Variants in ZNF385D observed in about 807,000 individuals in gnomAD.
ZNF385D encodes the protein zinc finger protein 659.
ZNF385D carries 15 observed loss-of-function variants against 35.8 expected under a neutral mutation model. The ratio of observed to expected loss-of-function variants is 0.42; its 90% CI spans 0.28 to 0.64. The LOEUF (loss-of-function observed/expected upper bound fraction) is 0.64. Ranked by LOEUF, ZNF385D falls within the 30% of genes least tolerant of loss-of-function variation. The pLI, the probability that ZNF385D is intolerant of heterozygous loss-of-function variation, is 0.23. For synonymous variants in ZNF385D, 212 were observed against 186.8 expected (o/e 1.13, Z -1.10); for missense variants, 474 against 494.6 (o/e 0.96, Z 0.39).
intron 3 of ZNF385D, among the ~76,000 whole-genome samples, chr3:21,907,899 A>G (rs1699760132): frequency 6.6e-6 from 1 of 152,090 alleles, no homozygotes; most frequent in Non-Finnish European, 1.5e-5. Context: ...TAATTGGAGA[A>G]CTTGCCTATT....
rs1436384703 is a variant in ZNF385D at position 21,675,547 on chromosome 3, T to C, written c.23-10519A>G. Among the ~76,000 whole-genome samples the C allele has an allele frequency of 1.4e-4, 21 of 152,204 alleles. 1 individual carries two copies. ...TCTGCTTCCAGAGTGTAAGTTCTTA[T>C]ATCTACATTTTGTTCAGAGATTGCC... On this transcript the variant is annotated intron_variant, in intron 1 of 7. Coordinates refer to ENST00000281523, the MANE Select transcript of ZNF385D (RefSeq NM_024697.3).
chr3:21,842,008 T>C (rs189508317), intron 3 of ZNF385D, among the ~76,000 whole-genome samples: 50 of 151,860 alleles, frequency 3.3e-4, no homozygotes, highest in Admixed American at 1.6e-3. Context: ...TTGTATAATA[T>C]ATAAAATGGA....
intron 2 of ZNF385D, among the ~76,000 whole-genome samples, chr3:21,569,922 A>AGGGGGGG (rs1575210384): frequency 1.5e-4 from 17 of 115,320 alleles, no homozygotes; most frequent in East Asian, 2.6e-4. Flanking sequence ...GTGGGGGGGC[A>AGGGGGGG]GGGAGGGATA....
intron 4 of ZNF385D, among the ~76,000 whole-genome samples, chr3:21,497,615 T>A (rs1706006367): frequency 1.3e-5 from 2 of 151,970 alleles, no homozygotes; most frequent in East Asian, 3.9e-4. Flanking sequence ...GAGGCTGAGG[T>A]GGGCAGATAA....
intron 3 of ZNF385D, among the ~76,000 whole-genome samples, chr3:22,050,152 G>C (rs1322599968): frequency 2.6e-5 from 4 of 151,758 alleles, no homozygotes. Flanking sequence ...GATTGTTTGA[G>C]CCCAGGAGTT....
In ZNF385D at chr3:21,646,229, T is replaced by C. The variant is rs975732258; in HGVS notation, c.165+18657A>G. On this transcript the variant is annotated intron_variant, in intron 2 of 7. Transcript: ENST00000281523. The surrounding 1 kb of genome is among the most constrained non-coding windows in gnomAD (Gnocchi z 4.3). ...GCCATGTAAGTATATGCAATCATGG[T>C]TTTGATTATGGTTAAGTAAATGAAG... Among the ~76,000 whole-genome samples the C allele has an allele frequency of 1.3e-5, 2 of 152,136 alleles. No homozygotes were observed. The highest frequency in any genetic ancestry group is 4.8e-5 in the African/African-American group (2 of 41,428).
chr3:21,548,662 C>T (rs1040822362), intron 3 of ZNF385D, among the ~76,000 whole-genome samples: 2 of 152,206 alleles, frequency 1.3e-5, no homozygotes, highest in Non-Finnish European at 2.9e-5. Context: ...AATTCCTGAA[C>T]ATGCTACTGA....
intron 5 of ZNF385D, among the ~76,000 whole-genome samples, chr3:21,433,594 G>C (rs902138929): frequency 2.0e-5 from 3 of 152,100 alleles, no homozygotes; most frequent in African/African-American, 7.2e-5. Flanking sequence ...AAACAGTGGA[G>C]TTCTAAAGGT....
At chr3:21,712,307 G>A (rs1230855934) in intron 1 of ZNF385D, among the ~76,000 whole-genome samples, 1 of 152,164 alleles carries the variant, frequency 6.6e-6, no homozygotes, top group Non-Finnish European at 1.5e-5. Flanking sequence ...TTACAGAGCA[G>A]GATCCCTGCC....
At chr3:21,454,477 C>T (rs1266084037) in intron 4 of ZNF385D, among the ~76,000 whole-genome samples, 3 of 152,058 alleles carry the variant, frequency 2.0e-5, no homozygotes, top group Admixed American at 6.6e-5. Flanking sequence ...ACTTGTGTAA[C>T]AGCCACACTG....
intron 4 of ZNF385D, among the ~76,000 whole-genome samples, chr3:21,460,948 T>A (rs1329466329): frequency 6.6e-6 from 1 of 152,168 alleles, no homozygotes; most frequent in Non-Finnish European, 1.5e-5. Flanking sequence ...TGCTAAATGT[T>A]TTTCTACCCA....
intron 3 of ZNF385D, among the ~76,000 whole-genome samples, chr3:22,011,536 T>A (rs958575766): frequency 6.6e-6 from 1 of 152,110 alleles, no homozygotes; most frequent in African/African-American, 2.4e-5. Context: ...GTAATACAGT[T>A]TGATATTCCT....
chr3:21,888,018 A>G (rs1390269273), intron 3 of ZNF385D, among the ~76,000 whole-genome samples: 1 of 152,204 alleles, frequency 6.6e-6, no homozygotes, highest in Non-Finnish European at 1.5e-5. Flanking sequence ...AAATAAAGTG[A>G]TTAAATGATT....
chr3:22,122,952 G>A (rs536124350), intron 3 of ZNF385D, among the ~76,000 whole-genome samples: 1 of 152,184 alleles, frequency 6.6e-6, no homozygotes, highest in Non-Finnish European at 1.5e-5. Flanking sequence ...AAAAGTATTA[G>A]GAGATAAGAT....
At chr3:21,810,457 G>A (rs1009005517) in intron 3 of ZNF385D, among the ~76,000 whole-genome samples, 1 of 151,956 alleles carries the variant, frequency 6.6e-6, no homozygotes, top group African/African-American at 2.4e-5. Context: ...CACCAACATG[G>A]CACATGTATA....
chr3:21,770,902 T>G (rs1194998741), intron 3 of ZNF385D, among the ~76,000 whole-genome samples: 1 of 152,038 alleles, frequency 6.6e-6, no homozygotes, highest in Non-Finnish European at 1.5e-5. Context: ...TGGAATACAA[T>G]GCAGCCATAA....
chr3:22,086,218 G>T (rs936894460), intron 3 of ZNF385D, among the ~76,000 whole-genome samples: 1 of 152,322 alleles, frequency 6.6e-6, no homozygotes, highest in East Asian at 1.9e-4. Context: ...TCAGGCAAGA[G>T]AAAGAAATAA....
chr3:21,763,987 A>G (rs2125592417), intron 3 of ZNF385D, among the ~76,000 whole-genome samples: 1 of 152,334 alleles, frequency 6.6e-6, no homozygotes, highest in Admixed American at 6.5e-5. Flanking sequence ...AGTTTCCCAA[A>G]GAATGAGATA....
intron 3 of ZNF385D, among the ~76,000 whole-genome samples, chr3:21,778,902 G>C (rs1002771890): frequency 2.0e-5 from 3 of 151,818 alleles, no homozygotes; most frequent in Non-Finnish European, 4.4e-5. Context: ...TACTATATGA[G>C]GACCAGGTCC....
Sources: allele counts gnomAD v4.1 joint callset (sites outside exome capture counted in the v4.1 genomes callset), GRCh38; gene constraint gnomAD v4.1.1; non-coding constraint Gnocchi (gnomAD v3.1); transcripts MANE v1.5; gene names NCBI Gene and HGNC (gene_info 2026-07-23, HGNC 2026-07-21).